The following FOXP2 variants were observed in gnomAD, a reference collection of about 807,000 sequenced individuals.
FOXP2 encodes forkhead box P2.
In FOXP2, 12 loss-of-function variants were observed where a neutral mutation model predicts 115.8. That is an observed-to-expected ratio of 0.10 (90% CI 0.07 to 0.17). FOXP2 has a LOEUF of 0.17. Ranked by LOEUF, FOXP2 falls within the 10% of genes least tolerant of loss-of-function variation. The pLI, the probability that FOXP2 is intolerant of heterozygous loss-of-function variation, is 1.00. For missense variants in FOXP2, 629 were observed against 843.5 expected (o/e 0.75, Z 3.15); for synonymous variants, 328 against 297.7 (o/e 1.10, Z -1.05).
At chr7:114,579,176 G>T (rs1477652433) in intron 3 of FOXP2, among the ~76,000 whole-genome samples, 1 of 152,078 alleles carries the variant, frequency 6.6e-6, no homozygotes, top group Non-Finnish European at 1.5e-5. Context: ...TGGATCTGTT[G>T]TGCCATCCTG....
At chr7:114,086,343 CGCCGGCGCGT>C (rs1799408512), upstream of FOXP2, 1 of 408,628 alleles carries the variant, frequency 2.4e-6, no homozygotes, top group Admixed American at 2.8e-5. Context: ...GCGCGAGACA[CGCCGGCGCGT>C]GCAGCTCCGC....
intron 2 of FOXP2, among the ~76,000 whole-genome samples, chr7:114,312,940 A>C (rs180687148): frequency 2.6e-4 from 40 of 152,314 alleles, no homozygotes; most frequent in African/African-American, 9.1e-4. Flanking sequence ...ATGTGGAGAA[A>C]CTTGAGAGAC....
chr7:114,435,404 A>G (rs901205187), intron 2 of FOXP2, among the ~76,000 whole-genome samples: 1 of 152,188 alleles, frequency 6.6e-6, no homozygotes, highest in African/African-American at 2.4e-5. Context: ...AAAGTGCAGA[A>G]TATTGAGGAC....
chr7:114,426,453 A>G, intron 1 of FOXP2, 49 bp from the exon 2 acceptor site: 4 of 1,544,236 alleles, frequency 2.6e-6, no homozygotes, highest in Non-Finnish European at 3.6e-6. Context: ...TGATAATGGA[A>G]GTGTGAAGGT....
At chr7:114,283,805 G>A (rs540250022) in intron 1 of FOXP2, among the ~76,000 whole-genome samples, 2 of 151,998 alleles carry the variant, frequency 1.3e-5, no homozygotes, top group East Asian at 3.9e-4. Context: ...TCTACAAAAA[G>A]TGAAAAAATT....
chr7:114,219,628 C>G lies in FOXP2; in HGVS notation c.-102+56540C>G, dbSNP rs145797413. Reference sequence around the variant, plus strand: ...TGTTTTATTTATTTGTTTTTATTAACAAGACTGATTGCATGTATAACATAT... The same window carrying G: ...TGTTTTATTTATTTGTTTTTATTAAGAAGACTGATTGCATGTATAACATAT... On this transcript the variant is annotated intron_variant, in intron 1 of 17. Coordinates refer to the FOXP2 transcript ENST00000634411. 5.7e-3 allele frequency among the ~76,000 whole-genome samples: 868 copies of G among 151,872 alleles called. 13 individuals carry two copies. Among genetic ancestry groups the G allele is most frequent in the African/African-American group, 0.02 (830 of 41,386 alleles).
In FOXP2 at chr7:114,265,871, C is replaced by T. The variant is rs536074974; in HGVS notation, c.-101-22148C>T. Among the ~76,000 whole-genome samples the T allele has an allele frequency of 6.6e-5, 10 of 152,166 alleles. No individual in the cohort carries two copies. In the South Asian group the frequency reaches 1.9e-3, roughly 28 times the overall value. ...CAGCAGCCCAAGCTGTACTTCAGGTCCCCTGAGCCGAGGCTGGAGCTTGAG... is the reference window on the plus strand; with the variant it reads ...CAGCAGCCCAAGCTGTACTTCAGGTTCCCTGAGCCGAGGCTGGAGCTTGAG... On this transcript the variant is annotated intron_variant, in intron 1 of 17. Coordinates refer to the FOXP2 transcript ENST00000634411.
At chr7:114,279,826 T>C (rs1796282225) in intron 1 of FOXP2, among the ~76,000 whole-genome samples, 1 of 151,810 alleles carries the variant, frequency 6.6e-6, no homozygotes, top group Non-Finnish European at 1.5e-5. Flanking sequence ...TGTTTTCTTA[T>C]GTAAGAAAGA....
intron 2 of FOXP2, among the ~76,000 whole-genome samples, chr7:114,430,871 C>T (rs779543039): frequency 2.0e-5 from 3 of 151,848 alleles, no homozygotes; most frequent in Non-Finnish European, 4.4e-5. Flanking sequence ...AGGTTAAGCA[C>T]ACATAAGATA....
At chr7:114,663,366 G>C (rs570711516) in intron 14 of FOXP2, 84 bp from the exon 15 acceptor site, 1 of 1,027,168 alleles carries the variant, frequency 9.7e-7, no homozygotes, top group Non-Finnish European at 1.5e-6. Flanking sequence ...AGACAAGCCA[G>C]AACATACCTT....
intron 2 of FOXP2, among the ~76,000 whole-genome samples, chr7:114,468,951 G>T (rs1795927015): frequency 1.3e-5 from 2 of 152,062 alleles, no homozygotes; most frequent in Admixed American, 1.3e-4. Context: ...TTTGGATTTT[G>T]CACATAAGAA....
chr7:114,087,779 C>T (rs1183415458), exon 1 of FOXP2: 3 of 151,922 alleles, frequency 2.0e-5, no homozygotes, highest in Admixed American at 1.3e-4. Context: ...GGTGTTGGGG[C>T]CTCTCTAGAG....
chr7:114,195,896 C>T (rs565187420), intron 1 of FOXP2, among the ~76,000 whole-genome samples: 4 of 152,166 alleles, frequency 2.6e-5, no homozygotes, highest in East Asian at 3.9e-4. Flanking sequence ...GAGGGAGAAT[C>T]GCTTGAGCCC....
At chr7:114,653,787 G>C in intron 9 of FOXP2, 139 bp from the exon 10 acceptor site, 1 of 922,554 alleles carries the variant, frequency 1.1e-6, no homozygotes, top group East Asian at 2.5e-5. Context: ...TTTCCTCCCA[G>C]ATAAGTTCCT....
chr7:114,437,219 G>T (rs569631699), intron 2 of FOXP2, among the ~76,000 whole-genome samples: 1 of 152,072 alleles, frequency 6.6e-6, no homozygotes, highest in Non-Finnish European at 1.5e-5. Flanking sequence ...AGTGATTTAC[G>T]TGTGATTTAA....
intron 2 of FOXP2, among the ~76,000 whole-genome samples, chr7:114,435,428 G>T (rs1042278084): frequency 1.3e-5 from 2 of 152,142 alleles, no homozygotes; most frequent in African/African-American, 4.8e-5. Flanking sequence ...TCAGTGTTTG[G>T]ATGCACTTCA....
Position 114,518,872 on chromosome 7 carries a change from T to C in FOXP2, c.169-15745T>C, listed in dbSNP as rs183929641. On this transcript the variant is annotated intron_variant, in intron 2 of 16. Transcript: ENST00000350908. ...TTTGTTAGTTATTTGCTATCATTCT[T>C]CAAGTAAGTAGACATAGAAATGACA... is the stretch of plus-strand genomic sequence containing the variant. Among the ~76,000 whole-genome samples the C allele has an allele frequency of 1.8e-4, 27 of 152,300 alleles. No individual in the cohort carries two copies. In the East Asian group the frequency reaches 5.0e-3, roughly 28 times the overall value.
chr7:114,342,780 G>A (rs1385797359), intron 2 of FOXP2, among the ~76,000 whole-genome samples: 2 of 151,390 alleles, frequency 1.3e-5, no homozygotes, highest in Non-Finnish European at 3.0e-5. Flanking sequence ...AAATTTTAGG[G>A]AGGTTAAAAA....
At chr7:114,462,277 GAAAAAAAAAA>G (rs766244858) in intron 2 of FOXP2, among the ~76,000 whole-genome samples, 189 of 20,804 alleles carry the variant, frequency 9.1e-3, no homozygotes, top group African/African-American at 0.028. Flanking sequence ...GAGACTCCGT[GAAAAAAAAAA>G]AAAAAAAAAA....
Sources: allele counts gnomAD v4.1 joint callset (sites outside exome capture counted in the v4.1 genomes callset), GRCh38; gene constraint gnomAD v4.1.1; transcripts MANE v1.5; gene names NCBI Gene and HGNC (gene_info 2026-07-23, HGNC 2026-07-21).